The following RBFOX1 variants were observed in gnomAD, a reference collection of about 807,000 sequenced individuals.
RBFOX1 encodes the protein RNA binding protein fox-1 homolog 1.
A neutral mutation model predicts 57.7 loss-of-function variants in RBFOX1; 8 were observed. That is an observed-to-expected ratio of 0.14 (90% CI 0.08 to 0.25). RBFOX1 has a LOEUF of 0.25. RBFOX1 is among the 10% of genes least tolerant of loss of function. The pLI is 1.00. For synonymous variants in RBFOX1, 326 were observed against 222.4 expected (o/e 1.47, Z -4.15); for missense variants, 611 against 548.5 (o/e 1.11, Z -1.14).
intron 6 of RBFOX1, among the ~76,000 whole-genome samples, 174 bp downstream of exon 6, chr16:7,580,094 A>C (rs1485601191): frequency 3.3e-5 from 5 of 152,192 alleles, no homozygotes; most frequent in East Asian, 1.9e-4. Context: ...TGGTTTTAGC[A>C]TGTATTTCTG....
At chr16:7,171,504 A>G (rs1207390228) in intron 4 of RBFOX1, among the ~76,000 whole-genome samples, 1 of 152,210 alleles carries the variant, frequency 6.6e-6, no homozygotes, top group Admixed American at 6.5e-5. Context: ...TTCAGTGTGA[A>G]TCCTTAATGT....
At chr16:5,911,412 G>A (rs1012396602) in intron 4 of RBFOX1, among the ~76,000 whole-genome samples, 1 of 152,158 alleles carries the variant, frequency 6.6e-6, no homozygotes, top group Non-Finnish European at 1.5e-5. Flanking sequence ...GTTGAGATAA[G>A]CACAACTTCC....
chr16:6,350,566 A>G (rs972674864), intron 2 of RBFOX1, among the ~76,000 whole-genome samples: 1 of 147,174 alleles, frequency 6.8e-6, no homozygotes, highest in Non-Finnish European at 1.5e-5. Flanking sequence ...GGGAATGTTT[A>G]TTTAACTAAG....
At chr16:6,344,394 TTTTCTTTTTTTTC>T (rs2085010066) in intron 2 of RBFOX1, among the ~76,000 whole-genome samples, 1 of 89,768 alleles carries the variant, frequency 1.1e-5, no homozygotes, top group African/African-American at 9.6e-5. Flanking sequence ...TCTTCTTCTT[TTTTCTTTTTTTTC>T]TTTTTTTTTT....
At chr16:6,280,983 A>G (rs866968081) in intron 1 of RBFOX1, among the ~76,000 whole-genome samples, 1 of 148,334 alleles carries the variant, frequency 6.7e-6, no homozygotes, top group Non-Finnish European at 1.5e-5. Flanking sequence ...GTGTGTATAT[A>G]TATGTGTGTG....
At chr16:6,846,952 A>T (rs1282312930) in intron 3 of RBFOX1, among the ~76,000 whole-genome samples, 1 of 151,604 alleles carries the variant, frequency 6.6e-6, no homozygotes, top group East Asian at 1.9e-4. Context: ...CTACAGTTTT[A>T]CCATGTCTTT....
At chr16:7,384,335 A>T (rs976582670) in intron 4 of RBFOX1, among the ~76,000 whole-genome samples, 1 of 152,174 alleles carries the variant, frequency 6.6e-6, no homozygotes, top group African/African-American at 2.4e-5. Context: ...TGAAAATTTC[A>T]ATATGAAAAA....
intron 1 of RBFOX1, among the ~76,000 whole-genome samples, chr16:6,140,098 G>C (rs913587491): frequency 6.6e-6 from 1 of 152,112 alleles, no homozygotes; most frequent in Non-Finnish European, 1.5e-5. Flanking sequence ...TGCTGCAGAA[G>C]AGAATCAAGT....
At chr16:5,966,518 C>A (rs1233457841) in intron 4 of RBFOX1, among the ~76,000 whole-genome samples, 1 of 152,148 alleles carries the variant, frequency 6.6e-6, no homozygotes, top group East Asian at 1.9e-4. Context: ...AGCGCAATGG[C>A]GCGTTCTCGG....
intron 4 of RBFOX1, among the ~76,000 whole-genome samples, chr16:5,965,678 C>T (rs1279480422): frequency 1.3e-5 from 2 of 152,132 alleles, no homozygotes; most frequent in Non-Finnish European, 2.9e-5. Context: ...CAGATCACTG[C>T]GTCCCTAAAC....
chr16:7,247,565 T>A lies in RBFOX1; in HGVS notation c.27+195467T>A, dbSNP rs147558084. 5.0e-3 allele frequency among the ~76,000 whole-genome samples: 762 copies of A among 152,312 alleles called. 11 individuals are homozygous for A. Among genetic ancestry groups the A allele is most frequent in the African/African-American group, 0.017 (721 of 41,570 alleles). On this transcript the variant is annotated intron_variant, in intron 4 of 15. Coordinates refer to ENST00000550418, the MANE Select transcript of RBFOX1 (RefSeq NM_018723.4). The stretch of plus-strand genomic sequence containing the variant: ...AATAATATGAAAGTAATGAATAGTT[T>A]TATGTTAACAAAAGCTAAAAGCCCC...
chr16:7,096,012 C>CAAAAAAAAA (rs71408498), intron 4 of RBFOX1, among the ~76,000 whole-genome samples: 7 of 111,470 alleles, frequency 6.3e-5, no homozygotes, highest in African/African-American at 2.1e-4. Context: ...GACTCTGTCT[C>CAAAAAAAAA]AAAAAAAAAA....
intron 3 of RBFOX1, among the ~76,000 whole-genome samples, chr16:7,029,857 G>C (rs753698280): frequency 6.6e-6 from 1 of 152,098 alleles, no homozygotes. Context: ...ATGATAACTT[G>C]ATTCTTATGT....
intron 4 of RBFOX1, among the ~76,000 whole-genome samples, chr16:5,925,943 G>A (rs2058931915): frequency 6.6e-6 from 1 of 152,154 alleles, no homozygotes; most frequent in Non-Finnish European, 1.5e-5. Flanking sequence ...GACTAAACAT[G>A]CAGTGGCCTT....
rs370049600 is a variant in RBFOX1, at chr16:6,979,861, C to A, written c.-15-72196C>A. Among the ~76,000 whole-genome samples the A allele has an allele frequency of 6.2e-4, 94 of 152,234 alleles. 1 individual carries two copies. In the South Asian group the frequency reaches 0.018, roughly 30 times the overall value. On this transcript the variant is annotated intron_variant, in intron 3 of 15. Coordinates refer to ENST00000550418, the MANE Select transcript of RBFOX1 (RefSeq NM_018723.4). ...GGTGTTGGGCTCTGTGATGTGTTTG[C>A]TTTGTGAGCCTCCTGGGCATCTAGG... is the stretch of plus-strand genomic sequence containing the variant.
intron 1 of RBFOX1, among the ~76,000 whole-genome samples, chr16:6,140,423 TG>T: frequency 6.6e-6 from 1 of 152,112 alleles, no homozygotes; most frequent in Non-Finnish European, 1.5e-5. Context: ...CTCGAATTCC[TG>T]GATTGAAGTG....
chr16:6,074,069 C>G (rs1008907784), intron 1 of RBFOX1, among the ~76,000 whole-genome samples: 2 of 152,124 alleles, frequency 1.3e-5, no homozygotes, highest in Non-Finnish European at 2.9e-5. Flanking sequence ...CTGCCTCAGC[C>G]TCCCGAGTAG....
rs115685345 is a variant in RBFOX1, at chr16:6,306,739, G to C, written c.-126-10256G>C. 8.5e-3 allele frequency among the ~76,000 whole-genome samples: 1,300 copies of C among 152,250 alleles called. 23 individuals are homozygous for C. Among genetic ancestry groups the C allele is most frequent in the African/African-American group, 0.029 (1,207 of 41,546 alleles). ...CAGCAGTTGCCGTCCATTTCTGCCT[G>C]TCTTTTATCATTGAACCTAAAAGAA... is the stretch of plus-strand genomic sequence containing the variant. On this transcript the variant is annotated intron_variant, in intron 1 of 15. Transcript: ENST00000550418.
chr16:7,212,316 G>A (rs1002809308), intron 4 of RBFOX1, among the ~76,000 whole-genome samples: 5 of 152,166 alleles, frequency 3.3e-5, no homozygotes, highest in African/African-American at 1.2e-4. Flanking sequence ...CCAATATTGG[G>A]ATGGTTCCCT....
Sources: gnomAD v4.1 joint callset for allele counts (sites outside exome capture counted in the v4.1 genomes callset) on GRCh38, gnomAD v4.1.1 for gene constraint, MANE v1.5 for transcripts, NCBI Gene and HGNC (gene_info 2026-07-23, HGNC 2026-07-21) for gene names.